The following STARD3NL variants were observed in gnomAD, a reference collection of about 807,000 sequenced individuals.
STARD3NL encodes the protein STARD3 N-terminal-like protein.
STARD3NL carries 17 observed loss-of-function variants against 30.9 expected under a neutral mutation model. That is an observed-to-expected ratio of 0.55 (90% CI 0.38 to 0.82). The LOEUF is 0.82. Ranked by LOEUF, STARD3NL falls within the 40% of genes least tolerant of loss-of-function variation. The pLI, the probability that STARD3NL is intolerant of heterozygous loss-of-function variation, is 0.00. For synonymous variants in STARD3NL, 112 were observed against 100.5 expected (o/e 1.11, Z -0.69); for missense variants, 234 against 277.6 (o/e 0.84, Z 1.12).
chr7:38,223,502 A>C (rs1333282518), intron 7 of STARD3NL, among the ~76,000 whole-genome samples: 1 of 152,184 alleles, frequency 6.6e-6, no homozygotes, highest in African/African-American at 2.4e-5. Flanking sequence ...TGCATAATAT[A>C]GCCTGTCCTG....
chr7:38,205,361 T>C (rs903321648), intron 1 of STARD3NL, among the ~76,000 whole-genome samples: 30 of 152,196 alleles, frequency 2.0e-4, no homozygotes, highest in African/African-American at 7.0e-4. Context: ...TACCTTCTTA[T>C]AAGAATTCGG....
chr7:38,206,817 C>T (rs1056479900), intron 1 of STARD3NL, among the ~76,000 whole-genome samples: 5 of 152,116 alleles, frequency 3.3e-5, no homozygotes, highest in Admixed American at 6.6e-5. Context: ...GTTACCCAGG[C>T]TGGAGTCCAG....
chr7:38,194,296 A>G (rs183749688), intron 1 of STARD3NL, among the ~76,000 whole-genome samples: 2 of 152,146 alleles, frequency 1.3e-5, no homozygotes, highest in East Asian at 1.9e-4. Context: ...GGATTTATCT[A>G]TATATTTTAA....
At chr7:38,180,280 A>G (rs943707784) in intron 1 of STARD3NL, among the ~76,000 whole-genome samples, 1 of 152,086 alleles carries the variant, frequency 6.6e-6, no homozygotes, top group Non-Finnish European at 1.5e-5. Flanking sequence ...TTTCCTTTCC[A>G]TTGTTATATG....
chr7:38,207,752 AC>A, intron 2 of STARD3NL, 23 bp downstream of exon 2: 1 of 1,605,176 alleles, frequency 6.2e-7, no homozygotes, highest in Non-Finnish European at 8.5e-7. Flanking sequence ...TTCTTTCATA[AC>A]TTTTTAAGAA....
chr7:38,185,032 T>G (rs1002372171), intron 1 of STARD3NL, among the ~76,000 whole-genome samples: 1 of 151,962 alleles, frequency 6.6e-6, no homozygotes, highest in Non-Finnish European at 1.5e-5. Flanking sequence ...TTCTTATTAT[T>G]AGACTGTAAA....
chr7:38,213,711 C>T (rs996350098), intron 2 of STARD3NL, among the ~76,000 whole-genome samples: 10 of 151,972 alleles, frequency 6.6e-5, no homozygotes, highest in Non-Finnish European at 1.0e-4. Flanking sequence ...ATTTTGAGCT[C>T]GATAATACAA....
At chr7:38,184,657 A>C (rs1481563115) in intron 1 of STARD3NL, among the ~76,000 whole-genome samples, 3 of 141,504 alleles carry the variant, frequency 2.1e-5, no homozygotes, top group Non-Finnish European at 4.6e-5. Flanking sequence ...TAACCGATAT[A>C]GTATATAATA....
At chr7:38,201,359 AT>A (rs1264515928) in intron 1 of STARD3NL, among the ~76,000 whole-genome samples, 2 of 152,036 alleles carry the variant, frequency 1.3e-5, no homozygotes, top group African/African-American at 4.8e-5. Context: ...GTCTTTTTTT[AT>A]TTTGAAATAT....
intron 1 of STARD3NL, among the ~76,000 whole-genome samples, chr7:38,198,699 G>A (rs778794627): frequency 6.6e-6 from 1 of 152,196 alleles, no homozygotes; most frequent in Non-Finnish European, 1.5e-5. Flanking sequence ...GTCAACAGGA[G>A]GTGCACAGTC....
At chr7:38,213,720 A>G (rs80172882) in intron 2 of STARD3NL, among the ~76,000 whole-genome samples, 2,422 of 152,318 alleles carry the variant, frequency 0.016, 75 homozygotes, top group African/African-American at 0.056. Context: ...TCGATAATAC[A>G]AGATTTATTT....
chr7:38,188,790 T>C (rs960212476), intron 1 of STARD3NL, among the ~76,000 whole-genome samples: 1 of 152,216 alleles, frequency 6.6e-6, no homozygotes, highest in Non-Finnish European at 1.5e-5. Flanking sequence ...GCATTACATG[T>C]CAAATGAAAG....
Position 38,207,704 on chromosome 7 carries a change from C to T in STARD3NL, c.200C>T (p.Thr67Ile). The change falls in exon 2 of 9, where the codon ACA becomes ATA. Residue 67 changes from threonine (T) to isoleucine (I), a missense_variant. By Grantham distance (89) the Thr-to-Ile change is moderately conservative. Coordinates refer to ENST00000009041, the MANE Select transcript of STARD3NL (RefSeq NM_032016.4). ...LFVTFDLLFV[T>I]LLWIIELNVN... ...GTCACCTTTGACCTCTTATTCGTAA[C>T]ATTACTGTGGATAATAGAGTTAAAT... The T allele has an allele frequency of 6.2e-7, 1 of 1,614,020 alleles. No homozygotes were observed. Among genetic ancestry groups the T allele is most frequent in the Non-Finnish European group, 8.5e-7 (1 of 1,179,924 alleles).
chr7:38,208,760 T>C (rs1044855584), intron 2 of STARD3NL, among the ~76,000 whole-genome samples: 34 of 152,328 alleles, frequency 2.2e-4, no homozygotes, highest in Non-Finnish European at 4.4e-4. Context: ...TTTATGAGAA[T>C]TTATTATAAT....
intron 4 of STARD3NL, chr7:38,216,786 G>A (rs1173121444): frequency 1.9e-6 from 1 of 525,906 alleles, no homozygotes; most frequent in East Asian, 3.0e-5. Context: ...CCAGCCTGCT[G>A]AAATGTGGGA....
intron 6 of STARD3NL, among the ~76,000 whole-genome samples, chr7:38,218,222 A>AG (rs1786236564): frequency 6.6e-6 from 1 of 152,148 alleles, no homozygotes; most frequent in South Asian, 2.1e-4. Context: ...CCTGCCTCAT[A>AG]GGAAAAAAAA....
At chr7:38,185,460 A>G (rs1458841039) in intron 1 of STARD3NL, among the ~76,000 whole-genome samples, 1 of 152,152 alleles carries the variant, frequency 6.6e-6, no homozygotes, top group Admixed American at 6.5e-5. Context: ...CACACCTTTC[A>G]TTAACCTGCT....
chr7:38,186,635 T>C (rs1055057420), intron 1 of STARD3NL, among the ~76,000 whole-genome samples: 1 of 152,230 alleles, frequency 6.6e-6, no homozygotes, highest in Non-Finnish European at 1.5e-5. Context: ...GATATGCAAA[T>C]ACTTCTCATT....
chr7:38,214,666 G>A (rs921623589), intron 3 of STARD3NL, among the ~76,000 whole-genome samples: 7 of 152,206 alleles, frequency 4.6e-5, no homozygotes, highest in East Asian at 3.8e-4. Flanking sequence ...GCAACAGAAG[G>A]AGCCATTCCT....
Sources: allele counts gnomAD v4.1 joint callset (sites outside exome capture counted in the v4.1 genomes callset), GRCh38; gene constraint gnomAD v4.1.1; transcripts MANE v1.5; gene names NCBI Gene and HGNC (gene_info 2026-07-23, HGNC 2026-07-21).